SLC40A1: variants seen among roughly 807,000 people sequenced by gnomAD.
SLC40A1 encodes solute carrier family 40 member 1, also known as ferroportin.
A neutral mutation model predicts 53.5 loss-of-function variants in SLC40A1; 16 were observed. The ratio of observed to expected loss-of-function variants is 0.30; its 90% confidence interval spans 0.20 to 0.45. The LOEUF (loss-of-function observed/expected upper bound fraction) is 0.45, where lower values mean the gene tolerates loss of function less well. SLC40A1 is among the 20% of genes least tolerant of loss of function. The probability of loss-of-function intolerance (pLI) is 1.00; values close to 1 mark genes in which losing one functional copy is unlikely to be tolerated. For synonymous variants in SLC40A1, 247 were observed against 253.2 expected (o/e 0.98, Z 0.23); for missense variants, 545 against 695.4 (o/e 0.78, Z 2.43).
rs1264551578 is a variant in SLC40A1, at chr2:189,572,969, G to A, written c.272-8C>T. Reference sequence around the variant, plus strand: ...CCAGCGAGGTCTGGGCCACTGTGCAGAGGAAGAGAGAAAGTGTACATTACA... The same window carrying A: ...CCAGCGAGGTCTGGGCCACTGTGCAAAGGAAGAGAGAAAGTGTACATTACA... On this transcript the variant is annotated splice_polypyrimidine_tract_variant and splice_region_variant and intron_variant, in intron 3 of 7. Coordinates refer to ENST00000261024, the MANE Select transcript of SLC40A1 (RefSeq NM_014585.6). 5.1e-6 allele frequency: 8 copies of A among 1,575,942 alleles called. No individual in the cohort carries two copies. In the African/African-American group the frequency reaches 6.7e-5, roughly 13 times the overall value.
At chr2:189,563,559 T>G in intron 7 of SLC40A1, 25 bp downstream of exon 7, 1 of 1,603,604 alleles carries the variant, frequency 6.2e-7, no homozygotes. Context: ...TTTAGTTCAT[T>G]AATATATAAA....
chr2:189,568,406 G>A (rs548790133), intron 5 of SLC40A1, among the ~76,000 whole-genome samples: 10 of 152,118 alleles, frequency 6.6e-5, no homozygotes, highest in East Asian at 1.9e-4. Context: ...GGAGAATGGC[G>A]TGAACCCAGG....
chr2:189,573,474 G>A (rs568993928), intron 3 of SLC40A1, among the ~76,000 whole-genome samples: 36 of 152,286 alleles, frequency 2.4e-4, no homozygotes, highest in Admixed American at 2.0e-3. Context: ...GCATACTAAT[G>A]CTATTTGCCA....
At position 189,561,843 on chromosome 2, in the gene SLC40A1, T is replaced by A; in HGVS notation, c.*35A>T. Reference sequence around the variant, plus strand: ...ACAAAATAAGCACATGTGCTCTATATAATCTAGTAACAGGATAGCAACAGT... The same window carrying A: ...ACAAAATAAGCACATGTGCTCTATAAAATCTAGTAACAGGATAGCAACAGT... On this transcript the variant is annotated 3_prime_UTR_variant, in exon 8 of 8. Transcript: ENST00000261024. 6.4e-7 allele frequency: 1 copy of A among 1,558,546 alleles called. No homozygotes were observed. Among genetic ancestry groups the A allele is most frequent in the Non-Finnish European group, 8.9e-7 (1 of 1,129,784 alleles).
At chr2:189,565,332 G>A in intron 6 of SLC40A1, 22 bp downstream of exon 6, 1 of 1,613,566 alleles carries the variant, frequency 6.2e-7, no homozygotes, top group Non-Finnish European at 8.5e-7. Context: ...AACAAAAGGA[G>A]AGATCATTGT....
intron 2 of SLC40A1, among the ~76,000 whole-genome samples, chr2:189,576,151 A>T (rs186499208): frequency 6.6e-6 from 1 of 152,190 alleles, no homozygotes; most frequent in Non-Finnish European, 1.5e-5. Flanking sequence ...AAAAATCTAC[A>T]GTGGACCTTA....
chr2:189,573,281 T>C (rs1220948126), intron 3 of SLC40A1, among the ~76,000 whole-genome samples: 8 of 152,208 alleles, frequency 5.3e-5, no homozygotes, highest in African/African-American at 1.9e-4. Context: ...TAGTATGATA[T>C]AGACATGATC....
chr2:189,562,875 TCA>T (rs1333342260), intron 7 of SLC40A1, among the ~76,000 whole-genome samples: 1 of 152,142 alleles, frequency 6.6e-6, no homozygotes, highest in African/African-American at 2.4e-5. Context: ...ATTTTTTTTA[TCA>T]CTTTCACATC....
Position 189,564,244 on chromosome 2 carries a change from A to T in SLC40A1, c.761-19T>A, listed in dbSNP as rs751379313. ...TCAGTATCTGTTAAGAAAAGATACCATTATTTTGTTGGGGAGGACATGTAG... is the reference window on the plus strand; with the variant it reads ...TCAGTATCTGTTAAGAAAAGATACCTTTATTTTGTTGGGGAGGACATGTAG... On this transcript the variant is annotated intron_variant, in intron 6 of 7. Transcript: ENST00000261024. 231 of 1,609,768 alleles carry T rather than the reference A, an allele frequency of 1.4e-4. 1 individual carries two copies. The highest frequency in any genetic ancestry group is 1.9e-4 in the Non-Finnish European group (218 of 1,176,288).
At chr2:189,566,957 T>C (rs568755358) in intron 5 of SLC40A1, among the ~76,000 whole-genome samples, 1 of 152,240 alleles carries the variant, frequency 6.6e-6, no homozygotes, top group South Asian at 2.1e-4. Context: ...AGTTCGTGCA[T>C]TTTTTTCCAG....
At position 189,579,812 on chromosome 2, in the gene SLC40A1, C is replaced by T. The variant is rs745808182; in HGVS notation, c.111+1G>A. 1 of 1,612,758 alleles carries T rather than the reference C, an allele frequency of 6.2e-7. No individual in the cohort carries two copies. ...TTGTAAGACTATGCATTCTCACTTA[C>T]CCAAGTAGAGAGAGAATGACCAAGG... is the stretch of plus-strand genomic sequence containing the variant. On this transcript the variant is annotated splice_donor_variant, in intron 2 of 7. Coordinates refer to ENST00000261024, the MANE Select transcript of SLC40A1 (RefSeq NM_014585.6). LOFTEE classifies it high-confidence loss of function.
chr2:189,563,782 C>A lies in SLC40A1; in HGVS notation c.1204G>T (p.Val402Phe), dbSNP rs77810585. The A allele has an allele frequency of 6.2e-7, 1 of 1,614,164 alleles. No homozygotes were observed. The highest frequency in any genetic ancestry group is 8.5e-7 in the Non-Finnish European group (1 of 1,180,022). ...GATCGGATATCTTCAAAAGGAGAAA[C>A]GGACAAGTCCAGGGGGCTTCCAGGC... ...FMPGSPLDLS[V>F]SPFEDIRSRF... Residue 402 changes from valine to phenylalanine, a missense_variant, in exon 7 of 8, where the codon GTT (valine) becomes TTT (phenylalanine). Coordinates refer to ENST00000261024, the MANE Select transcript of SLC40A1 (RefSeq NM_014585.6).
intron 3 of SLC40A1, among the ~76,000 whole-genome samples, chr2:189,574,279 AT>A (rs2031224287): frequency 6.6e-6 from 1 of 152,188 alleles, no homozygotes; most frequent in African/African-American, 2.4e-5. Flanking sequence ...AAAGAAGTAA[AT>A]TTTTTTCTAG....
chr2:189,574,914 T>C (rs931375952), intron 3 of SLC40A1, among the ~76,000 whole-genome samples: 1 of 152,194 alleles, frequency 6.6e-6, no homozygotes, highest in African/African-American at 2.4e-5. Context: ...ATCATTAACA[T>C]ATGAAATTTA....
At chr2:189,576,169 A>AT (rs1236751802) in intron 2 of SLC40A1, among the ~76,000 whole-genome samples, 1 of 152,160 alleles carries the variant, frequency 6.6e-6, no homozygotes, top group Non-Finnish European at 1.5e-5. Context: ...TTATTATGAG[A>AT]TTTTAGGCTC....
rs1197589824 is a variant in SLC40A1, at chr2:189,561,743, C to T, written c.*135G>A. The T allele has an allele frequency of 2.7e-6, 2 of 746,096 alleles. No homozygotes were observed. Among genetic ancestry groups the T allele is most frequent in the African/African-American group, 1.8e-5 (1 of 56,772 alleles). The allele number at this position is 746,096 out of a possible 1,614,324, so 46.2% of individuals were successfully genotyped here. ...TTTCTGCTGACTTAGGTTTCCTAAA[C>T]AGCTTTTAGTTCTCAAGGCACAGCT... On this transcript the variant is annotated 3_prime_UTR_variant, in exon 8 of 8. Transcript: ENST00000261024.
intron 2 of SLC40A1, among the ~76,000 whole-genome samples, chr2:189,577,574 C>G (rs1484777992): frequency 1.3e-5 from 2 of 150,560 alleles, no homozygotes; most frequent in Non-Finnish European, 2.9e-5. Context: ...TTTTAAAGCC[C>G]ATACTAAATT....
chr2:189,562,681 T>A (rs555688997), intron 7 of SLC40A1, among the ~76,000 whole-genome samples: 2 of 152,342 alleles, frequency 1.3e-5, no homozygotes, highest in East Asian at 3.9e-4. Flanking sequence ...AACTGTTTTG[T>A]ATCACAAGAT....
At chr2:189,569,054 G>A (rs2031040404) in intron 5 of SLC40A1, among the ~76,000 whole-genome samples, 1 of 152,230 alleles carries the variant, frequency 6.6e-6, no homozygotes, top group Non-Finnish European at 1.5e-5. Flanking sequence ...GTATTCATGA[G>A]AAAAATAAAA....
Sources: allele counts gnomAD v4.1 joint callset (sites outside exome capture counted in the v4.1 genomes callset), GRCh38; gene constraint gnomAD v4.1.1; transcripts MANE v1.5; gene names NCBI Gene and HGNC (gene_info 2026-07-23, HGNC 2026-07-21).